The following AFF3 variants were observed in gnomAD, a reference collection of about 807,000 sequenced individuals.
The protein encoded by AFF3 is ALF transcription elongation factor 3.
A neutral mutation model predicts 129.7 loss-of-function variants in AFF3; 32 were observed. The ratio of observed to expected loss-of-function variants is 0.25; its 90% CI spans 0.19 to 0.33. The LOEUF (loss-of-function observed/expected upper bound fraction) is 0.33. AFF3 is among the 10% of genes least tolerant of loss of function. The pLI is 1.00. For missense variants in AFF3, 1,373 were observed against 1,592.0 expected (o/e 0.86, Z 2.34); for synonymous variants, 644 against 635.4 (o/e 1.01, Z -0.20).
At chr2:99,901,394 T>C (rs891691576) in intron 7 of AFF3, among the ~76,000 whole-genome samples, 4 of 152,236 alleles carry the variant, frequency 2.6e-5, no homozygotes, top group African/African-American at 9.6e-5. Context: ...TTTCTCCCGC[T>C]GTCAAGTGGG....
chr2:99,959,817 C>G (rs1216995564), intron 7 of AFF3, among the ~76,000 whole-genome samples: 1 of 151,544 alleles, frequency 6.6e-6, no homozygotes, highest in Non-Finnish European at 1.5e-5. Flanking sequence ...AATCCATGTT[C>G]ACAATATGTT....
chr2:99,987,401 G>T (rs996395540), intron 7 of AFF3, among the ~76,000 whole-genome samples: 6 of 152,134 alleles, frequency 3.9e-5, no homozygotes, highest in Admixed American at 6.5e-5. Context: ...TATACTCTGG[G>T]CTGGTGCATT....
intron 16 of AFF3, among the ~76,000 whole-genome samples, chr2:99,586,933 G>C (rs923686737): frequency 1.3e-5 from 2 of 152,112 alleles, no homozygotes; most frequent in Non-Finnish European, 2.9e-5. Context: ...CTAGTATCTG[G>C]TCTTTGGTTA....
intron 8 of AFF3, among the ~76,000 whole-genome samples, chr2:99,781,918 T>C (rs1004053250): frequency 1.1e-4 from 17 of 152,142 alleles, no homozygotes; most frequent in African/African-American, 4.1e-4. Flanking sequence ...CTTATAATTC[T>C]GTTTTCTATA....
chr2:99,684,261 T>TGG, intron 11 of AFF3, among the ~76,000 whole-genome samples: 1 of 152,330 alleles, frequency 6.6e-6, no homozygotes, highest in South Asian at 2.1e-4. Context: ...ATCATGGAAT[T>TGG]TTAACAACCT....
chr2:99,583,992 C>T (rs182737451), intron 16 of AFF3, among the ~76,000 whole-genome samples: 44 of 152,176 alleles, frequency 2.9e-4, no homozygotes, highest in African/African-American at 7.2e-4. Context: ...CGTGAGCTAC[C>T]GTGCCCAGTC....
chr2:99,802,380 T>C (rs767385436), intron 8 of AFF3, among the ~76,000 whole-genome samples: 1 of 152,132 alleles, frequency 6.6e-6, no homozygotes, highest in African/African-American at 2.4e-5. Context: ...CATTAAAAGT[T>C]TTCTTGGCTG....
intron 11 of AFF3, among the ~76,000 whole-genome samples, chr2:99,687,903 C>T (rs1476622971): frequency 1.3e-5 from 2 of 152,226 alleles, no homozygotes; most frequent in East Asian, 1.9e-4. Context: ...AGTGCAGCGG[C>T]GTGATCTCAG....
intron 12 of AFF3, among the ~76,000 whole-genome samples, chr2:99,661,638 C>T (rs1473445485): frequency 1.3e-5 from 2 of 152,074 alleles, no homozygotes; most frequent in African/African-American, 4.8e-5. Context: ...TAGGAAACAG[C>T]GTTATGAGTC....
At chr2:99,752,470 C>G (rs371014517) in intron 8 of AFF3, among the ~76,000 whole-genome samples, 169 bp from the exon 9 acceptor site, 1 of 152,196 alleles carries the variant, frequency 6.6e-6, no homozygotes, top group East Asian at 1.9e-4. Flanking sequence ...TTTATGATTT[C>G]ATTTCCTAAT....
At chr2:99,951,238 A>T (rs1038637331) in intron 7 of AFF3, among the ~76,000 whole-genome samples, 1 of 152,186 alleles carries the variant, frequency 6.6e-6, no homozygotes, top group African/African-American at 2.4e-5. Context: ...CATAAAGAGG[A>T]TCATTTTTGC....
chr2:99,644,732 T>C (rs116539276), intron 13 of AFF3, among the ~76,000 whole-genome samples: 42 of 152,344 alleles, frequency 2.8e-4, no homozygotes, highest in African/African-American at 9.6e-4. Context: ...TTACTACTCA[T>C]GAAGGGAAGT....
At chr2:100,121,999 T>A (rs1047998574) in intron 2 of AFF3, among the ~76,000 whole-genome samples, 1 of 152,184 alleles carries the variant, frequency 6.6e-6, no homozygotes, top group Non-Finnish European at 1.5e-5. Context: ...GAAGCGGAGC[T>A]TGCAGTGAGC....
intron 10 of AFF3, among the ~76,000 whole-genome samples, chr2:99,730,566 A>C (rs934517540): frequency 7.5e-5 from 11 of 146,220 alleles, no homozygotes; most frequent in African/African-American, 2.6e-4. Flanking sequence ...CCCAGGCTGG[A>C]GTGCAGTGGT....
At chr2:100,124,090 T>C (rs1237872807) in intron 2 of AFF3, among the ~76,000 whole-genome samples, 1 of 152,136 alleles carries the variant, frequency 6.6e-6, no homozygotes, top group Non-Finnish European at 1.5e-5. Flanking sequence ...TTTAAAAATT[T>C]AAAATATTTG....
At chr2:99,746,952 TAA>T (rs879484925) in intron 9 of AFF3, among the ~76,000 whole-genome samples, 5 of 142,558 alleles carry the variant, frequency 3.5e-5, no homozygotes, top group African/African-American at 2.6e-5. Flanking sequence ...TAAGCTTATT[TAA>T]AAAAAAAAAA....
intron 1 of AFF3, among the ~76,000 whole-genome samples, chr2:100,133,494 C>G (rs977328910): frequency 2.6e-4 from 40 of 152,038 alleles, no homozygotes; most frequent in African/African-American, 9.2e-4. Context: ...AGTGCAGTGG[C>G]CACTCACAGG....
intron 13 of AFF3, among the ~76,000 whole-genome samples, chr2:99,605,622 G>A (rs901566623): frequency 1.3e-5 from 2 of 152,206 alleles, no homozygotes; most frequent in African/African-American, 4.8e-5. Flanking sequence ...CCAAGATGAA[G>A]AAGCCAGGAA....
intron 7 of AFF3, among the ~76,000 whole-genome samples, chr2:99,886,734 T>C (rs548512905): frequency 2.4e-4 from 37 of 152,328 alleles, no homozygotes; most frequent in Non-Finnish European, 4.9e-4. Context: ...GGCAGATGTA[T>C]ATTACATCAG....
Sources: allele counts gnomAD v4.1 joint callset (sites outside exome capture counted in the v4.1 genomes callset), GRCh38; gene constraint gnomAD v4.1.1; transcripts MANE v1.5; gene names NCBI Gene and HGNC (gene_info 2026-07-23, HGNC 2026-07-21).